The following ANKRD45 variants were observed in gnomAD, a reference collection of about 807,000 sequenced individuals.
ANKRD45 encodes ankyrin repeat domain 45, also known as ankyrin repeat domain-containing protein 45.
In ANKRD45, 21 loss-of-function variants were observed where a neutral mutation model predicts 28.1. That is an observed-to-expected ratio of 0.75 (90% CI 0.53 to 1.08). The LOEUF (loss-of-function observed/expected upper bound fraction) is 1.08, where lower values mean the gene tolerates loss of function less well. Ranked by LOEUF, ANKRD45 falls within the 50% of genes least tolerant of loss-of-function variation. The pLI, the probability that ANKRD45 is intolerant of heterozygous loss-of-function variation, is 0.00. For missense variants in ANKRD45, 261 were observed against 308.7 expected (o/e 0.85, Z 1.16); for synonymous variants, 86 against 103.9 (o/e 0.83, Z 1.05).
intron 3 of ANKRD45, chr1:173,636,912 T>C: frequency 6.5e-7 from 1 of 1,535,778 alleles, no homozygotes; most frequent in African/African-American, 1.4e-5. Context: ...CTCCACAGAG[T>C]GGCAACCACA....
chr1:173,712,716 G>C, the ANKRD45 span, among the ~76,000 whole-genome samples: 1 of 152,114 alleles, frequency 6.6e-6, no homozygotes, highest in East Asian at 1.9e-4. Flanking sequence ...ACTGGAAATA[G>C]TCAAAATATC....
the ANKRD45 span, among the ~76,000 whole-genome samples, chr1:173,699,108 C>A: frequency 6.6e-6 from 1 of 152,256 alleles, no homozygotes; most frequent in African/African-American, 2.4e-5. Flanking sequence ...TACACCCTCC[C>A]TACACTAAAC....
At chr1:173,663,380 GGTCTGAT>G (rs1477618497) in intron 1 of ANKRD45, among the ~76,000 whole-genome samples, 1 of 152,036 alleles carries the variant, frequency 6.6e-6, no homozygotes, top group Non-Finnish European at 1.5e-5. Flanking sequence ...TGGTTCTTGT[GGTCTGAT>G]CCTCCACAGT....
intron 2 of ANKRD45, among the ~76,000 whole-genome samples, chr1:173,650,984 G>A (rs754416080): frequency 3.9e-5 from 6 of 152,082 alleles, no homozygotes. Context: ...TGCAGATTCT[G>A]GATATTAGCC....
Position 173,610,085 on chromosome 1 carries a change from C to T in ANKRD45, c.*60G>A. On this transcript the variant is annotated 3_prime_UTR_variant, in exon 6 of 6. Transcript: ENST00000333279. ...CATCTGTTTTCTCGATTTCAAATGG[C>T]ATGAATAGGTTTGCCTTTCAGATAC... is the stretch of plus-strand genomic sequence containing the variant. 1 of 1,488,520 alleles carries T rather than the reference C, an allele frequency of 6.7e-7. No homozygotes were observed. Among genetic ancestry groups the T allele is most frequent in the Non-Finnish European group, 9.3e-7 (1 of 1,072,724 alleles). 92.2% of individuals were successfully genotyped at this position (1,488,520 alleles called of 1,614,324 possible). A position where few individuals can be genotyped will look rare whatever the true frequency, so the allele number is the denominator to read the frequency against.
At chr1:173,678,993 G>T in the ANKRD45 span, among the ~76,000 whole-genome samples, 23 of 152,272 alleles carry the variant, frequency 1.5e-4, no homozygotes, top group Non-Finnish European at 2.5e-4. Flanking sequence ...AATTACAACA[G>T]GTGTGAAGGA....
intron 5 of ANKRD45, 25 bp from the exon 6 acceptor site, chr1:173,610,240 T>G: frequency 6.2e-7 from 1 of 1,602,006 alleles, no homozygotes; most frequent in South Asian, 1.1e-5. Context: ...ATTTTAAAAT[T>G]ACATTTAATT....
chr1:173,708,335 G>A, the ANKRD45 span, among the ~76,000 whole-genome samples: 1 of 152,198 alleles, frequency 6.6e-6, no homozygotes, highest in South Asian at 2.1e-4. Context: ...CCACACTCAC[G>A]AATGGGATTA....
chr1:173,702,302 A>G, the ANKRD45 span, among the ~76,000 whole-genome samples: 1 of 152,238 alleles, frequency 6.6e-6, no homozygotes, highest in Non-Finnish European at 1.5e-5. Flanking sequence ...AACTAGAGGT[A>G]GAAGTATCAA....
At chr1:173,626,935 G>A in intron 4 of ANKRD45, 130 bp downstream of exon 4, 2 of 607,092 alleles carry the variant, frequency 3.3e-6, no homozygotes, top group South Asian at 2.3e-5. Flanking sequence ...TAGGAGGGAA[G>A]AAGGAAAGAA....
At chr1:173,682,268 T>A in the ANKRD45 span, among the ~76,000 whole-genome samples, 5 of 152,168 alleles carry the variant, frequency 3.3e-5, no homozygotes, top group Admixed American at 6.5e-5. Flanking sequence ...CTTAAAAAAA[T>A]TTTTTTTAAA....
the ANKRD45 span, among the ~76,000 whole-genome samples, chr1:173,689,741 C>T: frequency 6.6e-5 from 10 of 151,988 alleles, no homozygotes; most frequent in African/African-American, 2.2e-4. Context: ...TTATTATCTC[C>T]CTTACATTCT....
the ANKRD45 span, among the ~76,000 whole-genome samples, chr1:173,708,885 C>G: frequency 1.6e-3 from 241 of 152,346 alleles, no homozygotes; most frequent in Middle Eastern, 0.01. Context: ...GGACCCCGGT[C>G]TTCTAGCTCC....
intron 3 of ANKRD45, among the ~76,000 whole-genome samples, chr1:173,631,997 C>T (rs1486249253): frequency 1.3e-5 from 2 of 150,966 alleles, no homozygotes; most frequent in Non-Finnish European, 3.0e-5. Flanking sequence ...AAGATCAGAA[C>T]AAAAATTAAT....
At chr1:173,658,193 C>A in intron 2 of ANKRD45, 1 of 179,384 alleles carries the variant, frequency 5.6e-6, no homozygotes. Flanking sequence ...GCGTGGTGAC[C>A]CATGCCTGTA....
At chr1:173,697,469 A>C in the ANKRD45 span, among the ~76,000 whole-genome samples, 1 of 152,244 alleles carries the variant, frequency 6.6e-6, no homozygotes. Context: ...CGGCTCTCTC[A>C]GCAGAAACTC....
chr1:173,697,122 G>C, the ANKRD45 span, among the ~76,000 whole-genome samples: 1 of 152,100 alleles, frequency 6.6e-6, no homozygotes, highest in Non-Finnish European at 1.5e-5. Context: ...AGAGAAAAAA[G>C]AGTAAAAACA....
intron 5 of ANKRD45, among the ~76,000 whole-genome samples, chr1:173,617,977 G>A (rs1370781576): frequency 1.3e-5 from 2 of 152,170 alleles, no homozygotes; most frequent in Non-Finnish European, 2.9e-5. Flanking sequence ...GAAACCTCCA[G>A]GTAGAGGAAA....
chr1:173,663,115 CA>C (rs1445105948), intron 1 of ANKRD45, among the ~76,000 whole-genome samples: 3 of 151,272 alleles, frequency 2.0e-5, no homozygotes, highest in Non-Finnish European at 4.4e-5. Context: ...ACTCCTATCT[CA>C]GTTTCAGAGA....
Sources: allele counts gnomAD v4.1 joint callset (sites outside exome capture counted in the v4.1 genomes callset), GRCh38; gene constraint gnomAD v4.1.1; transcripts MANE v1.5; gene names NCBI Gene and HGNC (gene_info 2026-07-23, HGNC 2026-07-21).